Variants in SMOC2 observed in about 807,000 individuals in gnomAD.
SMOC2 encodes SPARC related modular calcium binding 2.
In SMOC2, 39 loss-of-function variants were observed where a neutral mutation model predicts 61.4. The observed-to-expected ratio is 0.64, with a 90% CI of 0.49 to 0.83. SMOC2 has a LOEUF of 0.83. Among genes scored for constraint, SMOC2 ranks in the 40% least tolerant of loss-of-function variants. The pLI is 0.00. For missense variants in SMOC2, 556 were observed against 592.9 expected, an observed-to-expected ratio of 0.94 and a Z score of 0.65; for synonymous variants, 247 against 239.9, an observed-to-expected ratio of 1.03 and a Z score of -0.27.
intron 1 of SMOC2, among the ~76,000 whole-genome samples, chr6:168,489,768 G>T (rs1291147479): frequency 6.6e-6 from 1 of 151,400 alleles, no homozygotes; most frequent in Non-Finnish European, 1.5e-5. Context: ...GGTCCTCTTG[G>T]ATCACACTGT....
chr6:168,655,480 G>A, intron 11 of SMOC2: 1 of 453,712 alleles, frequency 2.2e-6, no homozygotes, highest in Middle Eastern at 4.6e-4. Flanking sequence ...TTTCAGCTCA[G>A]AGACAGCACT....
intron 1 of SMOC2, among the ~76,000 whole-genome samples, chr6:168,443,071 A>G (rs1449718242): frequency 1.3e-5 from 2 of 152,260 alleles, no homozygotes; most frequent in African/African-American, 2.4e-5. Context: ...CAGAGAAACT[A>G]AGGCCAATTC....
At chr6:168,576,316 A>G (rs557977991) in intron 7 of SMOC2, among the ~76,000 whole-genome samples, 1 of 152,230 alleles carries the variant, frequency 6.6e-6, no homozygotes, top group African/African-American at 2.4e-5. Context: ...CAAGGACCCC[A>G]AAAAGCTCTT....
chr6:168,448,498 G>C (rs1327711322), intron 1 of SMOC2, among the ~76,000 whole-genome samples: 2 of 150,358 alleles, frequency 1.3e-5, no homozygotes, highest in Non-Finnish European at 3.0e-5. Flanking sequence ...GGAGGAGGAC[G>C]GGGATGGTGA....
chr6:168,644,150 C>T (rs1786964613), intron 9 of SMOC2, among the ~76,000 whole-genome samples: 1 of 152,188 alleles, frequency 6.6e-6, no homozygotes, highest in South Asian at 2.1e-4. Flanking sequence ...GGATTTAAAG[C>T]GGAGTTTTCA....
chr6:168,482,838 A>C (rs1400026981), intron 1 of SMOC2, among the ~76,000 whole-genome samples: 1 of 152,106 alleles, frequency 6.6e-6, no homozygotes, highest in Non-Finnish European at 1.5e-5. Flanking sequence ...GCTTTTGAGA[A>C]AACTTAACAC....
chr6:168,622,166 C>T (rs1376567204), intron 9 of SMOC2, among the ~76,000 whole-genome samples: 1 of 152,066 alleles, frequency 6.6e-6, no homozygotes, highest in East Asian at 1.9e-4. Flanking sequence ...CGGGGTTTCA[C>T]CGTGTTAGCC....
At chr6:168,554,888 G>C (rs1319944587) in intron 7 of SMOC2, among the ~76,000 whole-genome samples, 19 of 152,146 alleles carry the variant, frequency 1.2e-4, no homozygotes, top group Non-Finnish European at 2.9e-5. Context: ...CAAGATGCCG[G>C]GGGCATCTGC....
At chr6:168,496,846 T>C (rs1383619700) in intron 1 of SMOC2, among the ~76,000 whole-genome samples, 1 of 152,230 alleles carries the variant, frequency 6.6e-6, no homozygotes, top group Non-Finnish European at 1.5e-5. Flanking sequence ...AAGGATTCCA[T>C]GTCTGGGCTA....
intron 2 of SMOC2, among the ~76,000 whole-genome samples, chr6:168,516,882 AGGTGGAGGTTG>A (rs1783149696): frequency 1.3e-5 from 2 of 152,138 alleles, no homozygotes; most frequent in African/African-American, 4.8e-5. Flanking sequence ...TGAACCCGGG[AGGTGGAGGTTG>A]CAGTGAGCCC....
At chr6:168,487,493 T>C (rs1782363078) in intron 1 of SMOC2, among the ~76,000 whole-genome samples, 1 of 152,234 alleles carries the variant, frequency 6.6e-6, no homozygotes, top group Non-Finnish European at 1.5e-5. Flanking sequence ...AATATTGACT[T>C]AATTTAAAAA....
At chr6:168,540,991 G>A (rs13208789) in intron 4 of SMOC2, among the ~76,000 whole-genome samples, 7 of 152,056 alleles carry the variant, frequency 4.6e-5, no homozygotes, top group South Asian at 2.1e-4. Flanking sequence ...GCATAACACC[G>A]TTCCCTCCAC....
intron 9 of SMOC2, among the ~76,000 whole-genome samples, chr6:168,647,295 T>C (rs1787059731): frequency 6.6e-6 from 1 of 152,188 alleles, no homozygotes; most frequent in Non-Finnish European, 1.5e-5. Context: ...TGCAGGCGGC[T>C]AAGTGAGAAG....
chr6:168,562,722 C>T (rs1003482209), intron 7 of SMOC2, among the ~76,000 whole-genome samples: 1 of 152,190 alleles, frequency 6.6e-6, no homozygotes, highest in African/African-American at 2.4e-5. Flanking sequence ...AAGAAATGCA[C>T]TCACATTTCA....
chr6:168,608,404 CAG>C (rs1440771576), intron 9 of SMOC2, among the ~76,000 whole-genome samples, 165 bp downstream of exon 9: 3 of 152,190 alleles, frequency 2.0e-5, no homozygotes, highest in Admixed American at 6.5e-5. Flanking sequence ...GGCAGGGAGA[CAG>C]GGGGCCAGGA....
At chr6:168,588,009 C>T (rs1043468008) in intron 7 of SMOC2, among the ~76,000 whole-genome samples, 13 of 133,564 alleles carry the variant, frequency 9.7e-5, no homozygotes, top group African/African-American at 2.4e-4. Flanking sequence ...GATTTGGTGT[C>T]GGGGTGAGGG....
At chr6:168,556,505 G>A (rs1010798398) in intron 7 of SMOC2, among the ~76,000 whole-genome samples, 1 of 152,024 alleles carries the variant, frequency 6.6e-6, no homozygotes. Context: ...CACATCCCAC[G>A]CGGGCGCTGG....
chr6:168,641,201 C>A (rs940632147), intron 9 of SMOC2, among the ~76,000 whole-genome samples: 1 of 152,068 alleles, frequency 6.6e-6, no homozygotes, highest in African/African-American at 2.4e-5. Flanking sequence ...CACAGAACAC[C>A]TCCTTAAAAC....
At chr6:168,591,436 T>G (rs1785178156) in intron 7 of SMOC2, among the ~76,000 whole-genome samples, 1 of 152,212 alleles carries the variant, frequency 6.6e-6, no homozygotes, top group East Asian at 1.9e-4. Flanking sequence ...GTACATTTCC[T>G]TATGGGTTCT....
Sources: gnomAD v4.1 joint callset for allele counts (sites outside exome capture counted in the v4.1 genomes callset) on GRCh38, gnomAD v4.1.1 for gene constraint, MANE v1.5 for transcripts, NCBI Gene and HGNC (gene_info 2026-07-23, HGNC 2026-07-21) for gene names.